The following BICDL2 variants were observed in gnomAD, a reference collection of about 807,000 sequenced individuals.
BICDL2 encodes the protein BICD family-like cargo adapter 2.
A neutral mutation model predicts 56.6 loss-of-function variants in BICDL2; 62 were observed. The observed-to-expected ratio is 1.10, with a 90% confidence interval of 0.89 to 1.35. The LOEUF (loss-of-function observed/expected upper bound fraction) is 1.35. BICDL2 is among the 40% of genes most tolerant of loss of function. The pLI is 0.00. For synonymous variants in BICDL2, 358 were observed against 319.8 expected, an observed-to-expected ratio of 1.12 and a Z score of -1.27; for missense variants, 808 against 684.5, an observed-to-expected ratio of 1.18 and a Z score of -2.01.
At position 3,028,406 on chromosome 16, in the gene BICDL2, T is replaced by C. The variant is rs753966331; in HGVS notation, c.1301A>G (p.Glu434Gly). The C allele has an allele frequency of 2.6e-6, 4 of 1,555,056 alleles. No individual in the cohort carries two copies. In the South Asian group the frequency reaches 4.6e-5, roughly 18 times the overall value. ...CTTCTGGCGGATGGCGCGCAGCAGC[T>C]CCCGAGACAGGGAGTCTCGCTCCAG... ...VSLERDSLSR[E>G]LLRAIRQKVA... The change falls in exon 9 of 10, where the codon GAG becomes GGG. Residue 434 changes from glutamate to glycine, a missense_variant. Transcript: ENST00000572449.
intron 7 of BICDL2, 133 bp from the exon 8 acceptor site, chr16:3,028,963 G>A: frequency 8.1e-7 from 1 of 1,231,590 alleles, no homozygotes; most frequent in South Asian, 1.5e-5. Context: ...GTGGCCCTGT[G>A]CTGGAGACTC....
chr16:3,034,705 TCCTTCC>T (rs1567424006), intron 2 of BICDL2, among the ~76,000 whole-genome samples: 1 of 146,842 alleles, frequency 6.8e-6, no homozygotes, highest in African/African-American at 2.5e-5. Context: ...CTTCCTTCCT[TCCTTCC>T]TTTTTTTTTT....
intron 8 of BICDL2, 111 bp from the exon 9 acceptor site, chr16:3,028,579 AAGG>A: frequency 6.6e-7 from 1 of 1,526,694 alleles, no homozygotes; most frequent in Non-Finnish European, 8.7e-7. Context: ...CACCTAGATC[AAGG>A]AGGTCAGGGG....
At chr16:3,029,241 G>A (rs1476210712) in intron 7 of BICDL2, 39 bp downstream of exon 7, 2 of 1,595,900 alleles carry the variant, frequency 1.3e-6, no homozygotes, top group South Asian at 1.1e-5. Flanking sequence ...ACTGACAGCT[G>A]GAGGGGCCGT....
intron 2 of BICDL2, among the ~76,000 whole-genome samples, chr16:3,034,617 TTTTCCTTTCC>T (rs1160680348): frequency 7.3e-5 from 11 of 151,190 alleles, no homozygotes; most frequent in Admixed American, 4.6e-4. Context: ...TTCATGCCTT[TTTTCCTTTCC>T]TTTCCTTTCC....
intron 1 of BICDL2, 45 bp downstream of exon 1, chr16:3,036,849 C>T (rs1955739961): frequency 3.3e-6 from 1 of 307,124 alleles, no homozygotes; most frequent in South Asian, 2.4e-5. Context: ...CCAGGCCCTC[C>T]CCAGGCTCGA....
chr16:3,036,763 G>T, intron 1 of BICDL2, 131 bp downstream of exon 1: 1 of 364,816 alleles, frequency 2.7e-6, no homozygotes. Flanking sequence ...TCCTGCCGGC[G>T]CCCCCGGTTC....
intron 1 of BICDL2, chr16:3,036,363 T>A: frequency 2.2e-6 from 1 of 449,052 alleles, no homozygotes; most frequent in Non-Finnish European, 4.5e-6. Flanking sequence ...TGGGCTCCCC[T>A]AGGGCGGCTC....
chr16:3,036,584 T>C (rs890832400), intron 1 of BICDL2: 3 of 452,144 alleles, frequency 6.6e-6, no homozygotes, highest in African/African-American at 4.0e-5. Context: ...GGGACCTCCC[T>C]GACTTGGCCC....
At chr16:3,035,643 G>T in intron 1 of BICDL2, 117 bp from the exon 2 acceptor site, 1 of 864,756 alleles carries the variant, frequency 1.2e-6, no homozygotes, top group Non-Finnish European at 1.7e-6. Flanking sequence ...GGGCTTCCTG[G>T]GCCACAAAGG....
chr16:3,030,048 A>G (rs959193040), intron 5 of BICDL2: 1 of 484,484 alleles, frequency 2.1e-6, no homozygotes, highest in East Asian at 3.6e-5. Flanking sequence ...CTTGTCCCAC[A>G]GTAGTAAGTA....
At chr16:3,028,494 G>C (rs1955591935) in intron 8 of BICDL2, 26 bp from the exon 9 acceptor site, 5 of 1,569,420 alleles carry the variant, frequency 3.2e-6, no homozygotes, top group South Asian at 1.1e-5. Context: ...CAGAAGACGC[G>C]TTTGAGGGCG....
chr16:3,029,467 A>T, intron 6 of BICDL2, 38 bp from the exon 7 acceptor site: 3 of 1,589,584 alleles, frequency 1.9e-6, no homozygotes, highest in Non-Finnish European at 2.6e-6. Context: ...TGTGGAGTTT[A>T]TTGGGGAAAG....
chr16:3,029,161 G>A lies in BICDL2; in HGVS notation c.1107+119C>T, dbSNP rs1332771482. On this transcript the variant is annotated intron_variant, in intron 7 of 9. Transcript: ENST00000572449. Reference sequence around the variant, plus strand: ...GGCTGGCTCTTGAAGTAAGTTTGTTGAGATGAAAGCCGATCCAGGTATAGG... The same window carrying A: ...GGCTGGCTCTTGAAGTAAGTTTGTTAAGATGAAAGCCGATCCAGGTATAGG... 1.3e-5 allele frequency: 17 copies of A among 1,312,732 alleles called. No individual in the cohort carries two copies. The African/African-American group carries it at 2.3e-4, about 18-fold the overall frequency. The allele number at this position is 1,312,732 out of a possible 1,614,324, so 81.3% of individuals were successfully genotyped here. A position where few individuals can be genotyped will look rare whatever the true frequency, so the allele number is the denominator to read the frequency against.
intron 1 of BICDL2, chr16:3,036,370 G>T (rs1214806133): frequency 4.5e-6 from 2 of 449,248 alleles, no homozygotes; most frequent in Non-Finnish European, 8.9e-6. Context: ...CCCTAGGGCG[G>T]CTCAGGGGCT....
intron 1 of BICDL2, chr16:3,036,541 G>T (rs1368751774): frequency 2.2e-6 from 1 of 454,424 alleles, no homozygotes; most frequent in Non-Finnish European, 4.4e-6. Context: ...GTGTCACGGT[G>T]GTCCCAGCCC....
rs1296849510 is a variant in BICDL2 at position 3,028,120 on chromosome 16, A to C, written c.1513T>G (p.Phe505Val). 7.0e-7 allele frequency: 1 copy of C among 1,435,992 alleles called. No homozygotes were observed. Among genetic ancestry groups the C allele is most frequent in the Non-Finnish European group, 9.1e-7 (1 of 1,101,010 alleles). 89.0% of individuals were successfully genotyped at this position (1,435,992 alleles called of 1,614,324 possible). Reference protein sequence around the residue: ...GPAGGFLSNLFRRT With the variant: ...GPAGGFLSNLVRRT ...GGGCCCAGCCGTCAGGTCCTTCGGA[A>C]GAGGTTACTGAGAAAGCCACCGGCG... The change falls in exon 10 of 10, where the codon TTC becomes GTC. Residue 505 changes from phenylalanine (F) to valine (V), a missense_variant. Transcript: ENST00000572449.
At chr16:3,028,496 T>G (rs750714375) in intron 8 of BICDL2, 28 bp from the exon 9 acceptor site, 163 of 1,568,722 alleles carry the variant, frequency 1.0e-4, no homozygotes, top group Non-Finnish European at 1.3e-4. Context: ...GAAGACGCGT[T>G]TGAGGGCGCT....
chr16:3,035,619 C>T (rs1382304069), intron 1 of BICDL2, 93 bp from the exon 2 acceptor site: 6 of 1,191,644 alleles, frequency 5.0e-6, no homozygotes, highest in African/African-American at 3.1e-5. Flanking sequence ...CCAGCCTGCC[C>T]GGTCCTGCAG....
Sources: gnomAD v4.1 joint callset for allele counts (sites outside exome capture counted in the v4.1 genomes callset) on GRCh38, gnomAD v4.1.1 for gene constraint, MANE v1.5 for transcripts, NCBI Gene and HGNC (gene_info 2026-07-23, HGNC 2026-07-21) for gene names.